Variants in SUN5 observed in about 807,000 individuals in gnomAD.
SUN5 encodes SUN domain-containing protein 5.
Under a neutral mutation model 53.7 loss-of-function variants are expected in SUN5, and 44 were observed. The observed-to-expected ratio is 0.82, with a 90% CI of 0.64 to 1.05. The LOEUF (loss-of-function observed/expected upper bound fraction) is 1.05. SUN5 is among the 50% of genes least tolerant of loss of function. The probability of loss-of-function intolerance (pLI) is 0.00; values close to 1 mark genes in which losing one functional copy is unlikely to be tolerated. For missense variants in SUN5, 433 were observed against 483.8 expected (o/e 0.90, Z 0.98); for synonymous variants, 166 against 179.8 (o/e 0.92, Z 0.62).
At chr20:32,984,637 C>A (rs1460948879) in intron 12 of SUN5, among the ~76,000 whole-genome samples, 1 of 152,228 alleles carries the variant, frequency 6.6e-6, no homozygotes, top group Non-Finnish European at 1.5e-5. Context: ...TGAACCTTCA[C>A]CCTGTCAAGC....
rs79408847 is a variant in SUN5, at chr20:32,987,810, G to C, written c.614-35C>G. The C allele has an allele frequency of 2.5e-6, 4 of 1,571,626 alleles. No individual in the cohort carries two copies. In the East Asian group the frequency reaches 9.1e-5, roughly 36 times the overall value. ...AGAAGGGGGTCTCAGCCAAGCAGCCGGGCTTCTGCCTGGTGGAGGGGACGC... is the reference window on the plus strand; with the variant it reads ...AGAAGGGGGTCTCAGCCAAGCAGCCCGGCTTCTGCCTGGTGGAGGGGACGC... On this transcript the variant is annotated intron_variant, in intron 9 of 12. Coordinates refer to ENST00000356173, the MANE Select transcript of SUN5 (RefSeq NM_080675.4).
At chr20:32,989,781 G>A in intron 8 of SUN5, 83 bp from the exon 9 acceptor site, 1 of 1,159,010 alleles carries the variant, frequency 8.6e-7, no homozygotes, top group Non-Finnish European at 1.3e-6. Context: ...GGTAACAGGG[G>A]GCTGCAGGAC....
intron 5 of SUN5, 75 bp from the exon 6 acceptor site, chr20:32,997,762 C>A: frequency 1.3e-6 from 2 of 1,556,618 alleles, no homozygotes; most frequent in South Asian, 1.1e-5. Flanking sequence ...GTTAGGACAT[C>A]TGGGTTCAAA....
intron 8 of SUN5, among the ~76,000 whole-genome samples, chr20:32,991,284 T>C (rs774432812): frequency 4.6e-5 from 7 of 152,226 alleles, no homozygotes; most frequent in South Asian, 2.1e-4. Flanking sequence ...TGATTGCACA[T>C]TGATGAGTGC....
In SUN5 at chr20:32,983,961, T is replaced by G. The variant is rs763011926; in HGVS notation, c.985-12A>C. 1 of 1,553,934 alleles carries G rather than the reference T, an allele frequency of 6.4e-7. No individual in the cohort carries two copies. Among genetic ancestry groups the G allele is most frequent in the Non-Finnish European group, 8.7e-7 (1 of 1,148,320 alleles). ...CGGGCCGGCTGGTTCTGGAAGAGAA[T>G]CAGTCACAGAGGCAGCTCACCCATA... On this transcript the variant is annotated splice_polypyrimidine_tract_variant and intron_variant, in intron 12 of 12. Transcript: ENST00000356173.
intron 8 of SUN5, among the ~76,000 whole-genome samples, 162 bp from the exon 9 acceptor site, chr20:32,989,860 C>A (rs940838418): frequency 2.0e-5 from 3 of 152,148 alleles, no homozygotes; most frequent in Non-Finnish European, 2.9e-5. Flanking sequence ...CCAGGTGACA[C>A]AAAGCCATCC....
chr20:32,988,819 C>T (rs1048520394), intron 9 of SUN5, among the ~76,000 whole-genome samples: 1 of 151,978 alleles, frequency 6.6e-6, no homozygotes. Context: ...GAACTTCTGA[C>T]CTCAGGTGAT....
rs538864856 is a variant in SUN5, at chr20:33,000,843, TAA to T, written c.278+367_278+368del. 1.4e-3 allele frequency among the ~76,000 whole-genome samples: 145 copies of T among 107,218 alleles called. 1 individual carries two copies. The highest frequency in any genetic ancestry group is 4.5e-3 in the Middle Eastern group (1 of 220). 70.3% of individuals were successfully genotyped at this position (107,218 alleles called of 152,430 possible). Reference sequence around the variant, plus strand: ...CCTGGCGGTAGAGTGAAACCCTGTCTAAAAAAAAAAAAAAAAAAAGTTAACAG... The same window carrying T: ...CCTGGCGGTAGAGTGAAACCCTGTCTAAAAAAAAAAAAAAAAAGTTAACAG... On this transcript the variant is annotated intron_variant, in intron 4 of 12. Coordinates refer to ENST00000356173, the MANE Select transcript of SUN5 (RefSeq NM_080675.4).
At chr20:32,990,186 T>C (rs1989675435) in intron 8 of SUN5, among the ~76,000 whole-genome samples, 1 of 152,172 alleles carries the variant, frequency 6.6e-6, no homozygotes, top group South Asian at 2.1e-4. Flanking sequence ...ATCATCCTTG[T>C]ATTAAAGATG....
intron 6 of SUN5, among the ~76,000 whole-genome samples, chr20:32,996,809 A>G (rs554000730): frequency 2.6e-5 from 4 of 151,902 alleles, no homozygotes; most frequent in African/African-American, 9.7e-5. Flanking sequence ...CTAGCCTCCT[A>G]TCTCTTTCCC....
rs1243649065 is a variant in SUN5 at position 33,001,201 on chromosome 20, T to G, written c.278+11A>C. 2 of 1,566,874 alleles carry G rather than the reference T, an allele frequency of 1.3e-6. No homozygotes were observed. Among genetic ancestry groups the G allele is most frequent in the Non-Finnish European group, 8.7e-7 (1 of 1,153,686 alleles). On this transcript the variant is annotated intron_variant, in intron 4 of 12. Coordinates refer to ENST00000356173, the MANE Select transcript of SUN5 (RefSeq NM_080675.4). Reference sequence around the variant, plus strand: ...CTCCCCATCCACCCTCCCCCTGCCTTCCCTGCTCACCTGCACGTGTTAAAC... The same window carrying G: ...CTCCCCATCCACCCTCCCCCTGCCTGCCCTGCTCACCTGCACGTGTTAAAC...
intron 8 of SUN5, among the ~76,000 whole-genome samples, chr20:32,992,443 C>G (rs564699605): frequency 1.3e-5 from 2 of 152,254 alleles, no homozygotes; most frequent in African/African-American, 2.4e-5. Context: ...CCTGGGGACT[C>G]CCTCTCACTC....
At chr20:32,998,483 AAAAC>A (rs1362923809) in intron 5 of SUN5, among the ~76,000 whole-genome samples, 2 of 152,162 alleles carry the variant, frequency 1.3e-5, no homozygotes, top group Non-Finnish European at 2.9e-5. Flanking sequence ...CAAAAACCAA[AAAAC>A]AAAAACAGCC....
intron 8 of SUN5, among the ~76,000 whole-genome samples, chr20:32,993,858 G>A (rs1458732820): frequency 2.6e-5 from 4 of 152,202 alleles, no homozygotes; most frequent in African/African-American, 9.7e-5. Flanking sequence ...ATGCAGGCAC[G>A]TGGGCCGTGG....
Position 33,002,892 on chromosome 20 carries a change from G to T in SUN5, c.105C>A (p.Ser35Arg). 3 of 1,614,188 alleles carry T rather than the reference G, an allele frequency of 1.9e-6. No individual in the cohort carries two copies. Among genetic ancestry groups the T allele is most frequent in the Non-Finnish European group, 2.5e-6 (3 of 1,180,046 alleles). ...RRIAQRGRNTSRMAEDTSPNM... is the reference protein window; with the variant it reads ...RRIAQRGRNTRRMAEDTSPNM... ...TTGGGGAGGTGTCCTCTGCCATCCT[G>T]CTGGTGTTCCGGCCTCGCTGGGCAA... is the stretch of plus-strand genomic sequence containing the variant. Residue 35 changes from serine (S) to arginine (R), a missense_variant, in exon 2 of 13, where the codon AGC (serine) becomes AGA (arginine). Transcript: ENST00000356173.
chr20:32,987,566 G>A (rs1274248814), intron 10 of SUN5, 94 bp downstream of exon 10: 6 of 194,236 alleles, frequency 3.1e-5, no homozygotes, highest in Non-Finnish European at 4.5e-5. Context: ...CACTCCCTTT[G>A]CTCCCACCCC....
intron 8 of SUN5, among the ~76,000 whole-genome samples, chr20:32,994,493 TAAAGGA>T (rs1989788623): frequency 6.6e-6 from 1 of 152,078 alleles, no homozygotes; most frequent in Admixed American, 6.6e-5. Flanking sequence ...TTAATTAAAA[TAAAGGA>T]AAAGATGGAC....
chr20:32,985,039 G>A (rs1989496930), intron 12 of SUN5, 60 bp downstream of exon 12: 5 of 1,567,742 alleles, frequency 3.2e-6, no homozygotes, highest in East Asian at 2.2e-5. Context: ...GGGTCCCTGG[G>A]TACAGACTGC....
Position 33,002,474 on chromosome 20 carries a change from C to T in SUN5, c.211+113G>A, listed in dbSNP as rs1245757382. On this transcript the variant is annotated intron_variant, in intron 3 of 12. Transcript: ENST00000356173. ...CAGAGTTCAACCTGCAGCTCCCCAC[C>T]ACCCCTGCAGTCCAGGGCAGGCATT... is the stretch of plus-strand genomic sequence containing the variant. 11 of 977,334 alleles carry T rather than the reference C, an allele frequency of 1.1e-5. 1 individual carries two copies. Among genetic ancestry groups the T allele is most frequent in the Non-Finnish European group, 1.6e-5 (10 of 616,754 alleles). The allele number at this position is 977,334 out of a possible 1,614,324, so 60.5% of individuals were successfully genotyped here. A position where few individuals can be genotyped will look rare whatever the true frequency, so the allele number is the denominator to read the frequency against.
Sources: allele counts gnomAD v4.1 joint callset (sites outside exome capture counted in the v4.1 genomes callset), GRCh38; gene constraint gnomAD v4.1.1; transcripts MANE v1.5; gene names NCBI Gene and HGNC (gene_info 2026-07-23, HGNC 2026-07-21).